SLC12A9: variants seen among roughly 807,000 people sequenced by gnomAD.
SLC12A9 encodes the protein CCC-interacting protein 1.
Under a neutral mutation model 66.0 loss-of-function variants are expected in SLC12A9, and 55 were observed. The ratio of observed to expected loss-of-function variants is 0.83; its 90% CI spans 0.67 to 1.04. The LOEUF (loss-of-function observed/expected upper bound fraction) is 1.04, where lower values mean the gene tolerates loss of function less well. Among genes scored for constraint, SLC12A9 ranks in the 50% least tolerant of loss-of-function variants. The probability of loss-of-function intolerance (pLI) is 0.00; values close to 1 mark genes in which losing one functional copy is unlikely to be tolerated. For synonymous variants in SLC12A9, 577 were observed against 569.0 expected (o/e 1.01, Z -0.20); for missense variants, 1,061 against 1,241.9 (o/e 0.85, Z 2.19).
At chr7:100,829,857 C>T (rs1813508740) in intron 1 of SLC12A9, among the ~76,000 whole-genome samples, 1 of 149,296 alleles carries the variant, frequency 6.7e-6, no homozygotes, top group Non-Finnish European at 1.5e-5. Context: ...GGTGAAACCC[C>T]TCTCTACTAA....
intron 4 of SLC12A9, 186 bp downstream of exon 4, chr7:100,856,023 C>G: frequency 1.2e-6 from 1 of 860,794 alleles, no homozygotes; most frequent in Non-Finnish European, 1.6e-6. Flanking sequence ...TCCTTGCCTG[C>G]AGGGAGCTAA....
chr7:100,865,296 C>T (rs568066586), intron 13 of SLC12A9: 377 of 1,535,782 alleles, frequency 2.5e-4, no homozygotes, highest in Admixed American at 1.2e-3. Flanking sequence ...GAGTCTGGGA[C>T]GCTATTACCC....
chr7:100,831,367 G>A (rs1265551682), intron 1 of SLC12A9, among the ~76,000 whole-genome samples: 1 of 152,108 alleles, frequency 6.6e-6, no homozygotes, highest in Non-Finnish European at 1.5e-5. Context: ...TGTATTTTTA[G>A]TAGACGCGGG....
At chr7:100,835,791 T>C (rs944156533) in intron 1 of SLC12A9, among the ~76,000 whole-genome samples, 3 of 152,238 alleles carry the variant, frequency 2.0e-5, no homozygotes, top group South Asian at 2.1e-4. Context: ...GCTGTTGGAA[T>C]AGCAAGAGGC....
In SLC12A9 at chr7:100,866,635, G is replaced by A. The variant is rs1180552698; in HGVS notation, c.*30G>A. 5 of 1,488,402 alleles carry A rather than the reference G, an allele frequency of 3.4e-6. No homozygotes were observed. The highest frequency in any genetic ancestry group is 4.5e-6 in the Non-Finnish European group (5 of 1,114,906). 92.2% of individuals were successfully genotyped at this position (1,488,402 alleles called of 1,614,324 possible). On this transcript the variant is annotated 3_prime_UTR_variant, in exon 14 of 14. Coordinates refer to ENST00000354161, the MANE Select transcript of SLC12A9 (RefSeq NM_020246.4). This position sits in a 1 kb window ranked among gnomAD's most constrained non-coding sequence, Gnocchi z 7.3. ...CCTGCCTCCAGGGCTAGGTAGAGAG[G>A]GCCCAGGCAGGCGGCCTATCCTGAT...
chr7:100,858,906 G>T lies in SLC12A9; in HGVS notation c.829G>T (p.Gly277Cys), dbSNP rs766181874. Residue 277 changes from glycine to cysteine, a missense_variant, in exon 6 of 14, where the codon GGC (glycine) becomes TGC (cysteine). Physicochemically the swap from Gly to Cys is radical, Grantham distance 159. Transcript: ENST00000354161. ...FASVFAVLFN[G>C]CTGIMAGANM... is the part of the protein sequence containing the mutation. ...CAGCGTCTTTGCTGTCCTCTTTAAC[G>T]GCTGTACAGGCATCATGGCTGGGGC... 15 of 1,614,038 alleles carry T rather than the reference G, an allele frequency of 9.3e-6. No individual in the cohort carries two copies. The South Asian group carries it at 1.4e-4, about 15-fold the overall frequency.
chr7:100,865,338 G>A (rs1562997841), intron 13 of SLC12A9: 2 of 1,535,980 alleles, frequency 1.3e-6, no homozygotes, highest in Non-Finnish European at 1.7e-6. Context: ...TGGCTGATCA[G>A]GGTGTCTGGT....
upstream of SLC12A9, among the ~76,000 whole-genome samples, chr7:100,849,603 C>A (rs574863195): frequency 7.6e-4 from 115 of 151,746 alleles, no homozygotes; most frequent in African/African-American, 2.7e-3. Flanking sequence ...GTCATCCCAG[C>A]TACTCCAAGG....
At chr7:100,827,080 C>A (rs760218113) in intron 1 of SLC12A9, 190 of 1,540,262 alleles carry the variant, frequency 1.2e-4, no homozygotes, top group Admixed American at 1.8e-4. Context: ...GGGGCCCTCG[C>A]CCCCCCAGGT....
At chr7:100,845,130 T>G (rs552783240) in intron 1 of SLC12A9, among the ~76,000 whole-genome samples, 17 of 151,744 alleles carry the variant, frequency 1.1e-4, no homozygotes, top group African/African-American at 4.1e-4. Context: ...GAGAAGGACT[T>G]CATCCTTCCT....
At position 100,854,702 on chromosome 7, in the gene SLC12A9, CTCTG is replaced by C; in HGVS notation, c.270_273del (p.Cys91ProfsTer16). On this transcript the variant is annotated frameshift_variant, in exon 3 of 14. Transcript: ENST00000354161. LOFTEE classifies it high-confidence loss of function. ...ACTTCATCCTGGCACTCACCGTCCTCTCTGTCTGTGCCATCGCCACCAATGGAGC... is the reference window on the plus strand; with the variant it reads ...ACTTCATCCTGGCACTCACCGTCCTCTCTGTGCCATCGCCACCAATGGAGC... 3.7e-6 allele frequency: 6 copies of C among 1,614,082 alleles called. No homozygotes were observed. The highest frequency in any genetic ancestry group is 5.1e-6 in the Non-Finnish European group (6 of 1,179,992).
chr7:100,861,759 T>C lies in SLC12A9; in HGVS notation c.1559T>C (p.Leu520Pro). The change falls in exon 12 of 14, where the codon CTG becomes CCG. Residue 520 changes from leucine to proline, a missense_variant. Physicochemically the swap from Leu to Pro is moderately conservative, Grantham distance 98. Transcript: ENST00000354161. This position sits in a 1 kb window ranked among gnomAD's most constrained non-coding sequence, Gnocchi z 5.3. Reference protein sequence around the residue: ...FHQVRKYLLRLDVRKDHVKFW... With the variant: ...FHQVRKYLLRPDVRKDHVKFW... Reference sequence around the variant, plus strand: ...CAGGTGCGTAAGTATCTGCTTCGGCTGGACGTCCGGAAGGATCACGTGAAG... The same window carrying C: ...CAGGTGCGTAAGTATCTGCTTCGGCCGGACGTCCGGAAGGATCACGTGAAG... 1 of 1,614,118 alleles carries C rather than the reference T, an allele frequency of 6.2e-7. No homozygotes were observed. Among genetic ancestry groups the C allele is most frequent in the Non-Finnish European group, 8.5e-7 (1 of 1,180,014 alleles).
intron 1 of SLC12A9, among the ~76,000 whole-genome samples, chr7:100,846,300 C>G (rs1813912270): frequency 6.6e-6 from 1 of 152,220 alleles, no homozygotes; most frequent in African/African-American, 2.4e-5. Context: ...GGCGCGGTGG[C>G]TCACGCCTGT....
In SLC12A9 at chr7:100,866,523, C is replaced by T. The variant is rs1160712166; in HGVS notation, c.2663C>T (p.Ala888Val). ...CCCGCCCGATACCCCCGCTACCTGG[C>T]GCTACTGGAGACTCTAACCCGAGAC... ...ADPARYPRYL[A>V]LLETLTRDLG... is the part of the protein sequence containing the mutation. The change falls in exon 14 of 14, where the codon GCG (alanine) becomes GTG (valine). Residue 888 changes from alanine (A) to valine (V), a missense_variant. By Grantham distance (64) the Ala-to-Val change is moderately conservative. Coordinates refer to ENST00000354161, the MANE Select transcript of SLC12A9 (RefSeq NM_020246.4). The surrounding 1 kb of genome is among the most constrained non-coding windows in gnomAD (Gnocchi z 7.3). 8 of 1,575,774 alleles carry T rather than the reference C, an allele frequency of 5.1e-6. No individual in the cohort carries two copies. Among genetic ancestry groups the T allele is most frequent in the African/African-American group, 2.7e-5 (2 of 74,362 alleles).
chr7:100,865,261 TCCATTTTTTCATCTTC>T, intron 13 of SLC12A9: 3 of 1,535,656 alleles, frequency 2.0e-6, no homozygotes, highest in Non-Finnish European at 2.6e-6. Flanking sequence ...CCCTGCCTGG[TCCATTTTTTCATCTTC>T]CCATTGCAGA....
At chr7:100,839,521 A>T (rs1562981809) in intron 1 of SLC12A9, among the ~76,000 whole-genome samples, 2 of 152,158 alleles carry the variant, frequency 1.3e-5, no homozygotes, top group Non-Finnish European at 2.9e-5. Context: ...GCAGCTCCTT[A>T]GGCGGCTTAA....
chr7:100,847,547 T>C (rs1813944738), intron 1 of SLC12A9, among the ~76,000 whole-genome samples: 1 of 152,112 alleles, frequency 6.6e-6, no homozygotes, highest in Admixed American at 6.6e-5. Context: ...GTTAGGAGGC[T>C]ATTGTGAAAG....
At chr7:100,860,561 T>G in intron 9 of SLC12A9, 1 of 383,172 alleles carries the variant, frequency 2.6e-6, no homozygotes, top group Non-Finnish European at 4.8e-6. Context: ...CCCCAGCACT[T>G]TGAGGGATTC....
At chr7:100,839,381 C>T (rs1813733757) in intron 1 of SLC12A9, among the ~76,000 whole-genome samples, 1 of 152,040 alleles carries the variant, frequency 6.6e-6, no homozygotes, top group African/African-American at 2.4e-5. Flanking sequence ...AGACAGGAGT[C>T]TTGCTGATGC....
Sources: gnomAD v4.1 joint callset for allele counts (sites outside exome capture counted in the v4.1 genomes callset) on GRCh38, gnomAD v4.1.1 for gene constraint, Gnocchi (gnomAD v3.1) non-coding constraint, MANE v1.5 for transcripts, NCBI Gene and HGNC (gene_info 2026-07-23, HGNC 2026-07-21) for gene names.